The following UBE2G1 variants were observed in gnomAD, a reference collection of about 807,000 sequenced individuals.
UBE2G1 encodes the protein ubiquitin-conjugating enzyme E2 G1.
UBE2G1 carries 5 observed loss-of-function variants against 22.7 expected under a neutral mutation model. The ratio of observed to expected loss-of-function variants is 0.22; its 90% CI spans 0.12 to 0.46. The LOEUF (loss-of-function observed/expected upper bound fraction) is 0.46. Ranked by LOEUF, UBE2G1 falls within the 20% of genes least tolerant of loss-of-function variation. UBE2G1 has a pLI of 0.99. For synonymous variants in UBE2G1, 74 were observed against 67.5 expected, an observed-to-expected ratio of 1.10 and a Z score of -0.47; for missense variants, 88 against 203.9, an observed-to-expected ratio of 0.43 and a Z score of 3.46.
intron 3 of UBE2G1, among the ~76,000 whole-genome samples, chr17:4,294,440 AGAAAG>A (rs1969083320): frequency 1.2e-4 from 8 of 69,242 alleles, no homozygotes; most frequent in African/African-American, 4.7e-4. Flanking sequence ...AAAAAAAAAA[AGAAAG>A]AAACGAAAAG....
intron 1 of UBE2G1, among the ~76,000 whole-genome samples, chr17:4,361,521 C>T (rs1466091045): frequency 6.7e-5 from 10 of 150,286 alleles, no homozygotes; most frequent in Non-Finnish European, 7.4e-5. Flanking sequence ...AGTGAGACTC[C>T]GTCTCAAAAA....
chr17:4,292,992 A>ATACAATTC (rs1261017180), intron 3 of UBE2G1, among the ~76,000 whole-genome samples: 1 of 152,212 alleles, frequency 6.6e-6, no homozygotes, highest in Non-Finnish European at 1.5e-5. Flanking sequence ...CTCACCTACT[A>ATACAATTC]TACAATTCAC....
rs1970041765 is a variant in UBE2G1, at chr17:4,366,669, TG to T, written c.-354del. On this transcript the variant is annotated 5_prime_UTR_variant, in exon 1 of 6. Transcript: ENST00000396981. ...GCAGGGCCGCTCGGCGCAGGCGCGC[TG>T]AGACTGCCGACTTGGGAAGCGTCCC... 1 of 205,656 alleles carries T rather than the reference TG, an allele frequency of 4.9e-6. No homozygotes were observed. The highest frequency in any genetic ancestry group is 1.0e-4 in the East Asian group (1 of 9,674). 12.7% of individuals were successfully genotyped at this position (205,656 alleles called of 1,614,324 possible). A position where few individuals can be genotyped will look rare whatever the true frequency, so the allele number is the denominator to read the frequency against.
chr17:4,338,022 T>G (rs568853990), intron 1 of UBE2G1, among the ~76,000 whole-genome samples: 9 of 151,826 alleles, frequency 5.9e-5, no homozygotes, highest in South Asian at 2.1e-4. Context: ...TACAAAAAAT[T>G]AGCCAGGCAT....
intron 1 of UBE2G1, among the ~76,000 whole-genome samples, chr17:4,315,310 A>T (rs1969353285): frequency 6.6e-6 from 1 of 152,186 alleles, no homozygotes; most frequent in Admixed American, 6.5e-5. Flanking sequence ...AGTTTAATAT[A>T]GCCTAAAATA....
intron 1 of UBE2G1, among the ~76,000 whole-genome samples, chr17:4,358,862 A>T (rs917787129): frequency 1.3e-5 from 2 of 152,198 alleles, no homozygotes; most frequent in African/African-American, 4.8e-5. Flanking sequence ...GCAGTGGGAG[A>T]ATCGCTTGAA....
chr17:4,358,582 A>C (rs1969933294), intron 1 of UBE2G1, among the ~76,000 whole-genome samples: 1 of 152,298 alleles, frequency 6.6e-6, no homozygotes, highest in African/African-American at 2.4e-5. Flanking sequence ...GTCTTTAATC[A>C]GGTAAAAATT....
chr17:4,351,927 T>C (rs1969848861), intron 1 of UBE2G1, among the ~76,000 whole-genome samples: 1 of 152,254 alleles, frequency 6.6e-6, no homozygotes, highest in Admixed American at 6.5e-5. Flanking sequence ...CTTCCAAAAG[T>C]TACAAAGACT....
chr17:4,357,449 G>T (rs1969918591), intron 1 of UBE2G1, among the ~76,000 whole-genome samples: 1 of 138,616 alleles, frequency 7.2e-6, no homozygotes, highest in African/African-American at 2.7e-5. Flanking sequence ...TTTATCCCAT[G>T]CAGATAAGGG....
rs141187675 is a variant in UBE2G1 at position 4,311,417 on chromosome 17, T to A, written c.47-4294A>T. On this transcript the variant is annotated intron_variant, in intron 1 of 5. Transcript: ENST00000396981. The stretch of plus-strand genomic sequence containing the variant: ...CAAAAGGCAGAAACTCAAGTGTCCA[T>A]CGACAAATGAATAAACTGCAGTATA... 3.2e-4 allele frequency among the ~76,000 whole-genome samples: 49 copies of A among 152,170 alleles called. No individual in the cohort carries two copies. The East Asian group carries it at 7.1e-3, about 22-fold the overall frequency.
chr17:4,270,724 C>T lies in UBE2G1; in HGVS notation c.*1830G>A, dbSNP rs551422453. On this transcript the variant is annotated 3_prime_UTR_variant, in exon 6 of 6. Coordinates refer to ENST00000396981, the MANE Select transcript of UBE2G1 (RefSeq NM_003342.5). Reference sequence around the variant, plus strand: ...TGAATCAATTTCCAGTCACAACACACTTACGAGTTTCTATAAGGTTTGTGG... The same window carrying T: ...TGAATCAATTTCCAGTCACAACACATTTACGAGTTTCTATAAGGTTTGTGG... The T allele has an allele frequency of 6.6e-6, 1 of 151,786 alleles. No individual in the cohort carries two copies. Among genetic ancestry groups the T allele is most frequent in the Non-Finnish European group, 1.5e-5 (1 of 67,966 alleles). 9.4% of individuals were successfully genotyped at this position (151,786 alleles called of 1,614,324 possible).
At chr17:4,352,379 G>C (rs1390129703) in intron 1 of UBE2G1, among the ~76,000 whole-genome samples, 1 of 150,636 alleles carries the variant, frequency 6.6e-6, no homozygotes, top group Non-Finnish European at 1.5e-5. Flanking sequence ...ACAGGCGTGA[G>C]CCACTGCACC....
chr17:4,353,089 G>T (rs548599478), intron 1 of UBE2G1, among the ~76,000 whole-genome samples: 1 of 152,172 alleles, frequency 6.6e-6, no homozygotes, highest in East Asian at 1.9e-4. Flanking sequence ...GTGGTGGCGG[G>T]CGCCTGTAGT....
chr17:4,348,193 G>A (rs996010242), intron 1 of UBE2G1, among the ~76,000 whole-genome samples: 3 of 152,110 alleles, frequency 2.0e-5, no homozygotes, highest in Non-Finnish European at 2.9e-5. Context: ...AGGAGGCTGA[G>A]GCTGCAGTGA....
At chr17:4,331,993 C>G (rs544154298) in intron 1 of UBE2G1, 1 of 152,184 alleles carries the variant, frequency 6.6e-6, no homozygotes, top group African/African-American at 2.4e-5. Flanking sequence ...CCCAGGAGAT[C>G]TGAACCTAAA....
intron 1 of UBE2G1, among the ~76,000 whole-genome samples, chr17:4,316,014 A>T (rs1969366678): frequency 6.6e-6 from 1 of 151,574 alleles, no homozygotes; most frequent in Non-Finnish European, 1.5e-5. Context: ...ACGGGGTTTC[A>T]CCGTGGTCTC....
chr17:4,306,197 T>C lies in UBE2G1; in HGVS notation c.149+824A>G, dbSNP rs1400775186. Among the ~76,000 whole-genome samples the C allele has an allele frequency of 2.6e-5, 4 of 152,222 alleles. No individual in the cohort carries two copies. In the South Asian group the frequency reaches 6.2e-4, roughly 24 times the overall value. The stretch of plus-strand genomic sequence containing the variant: ...CCATGAAAAGAGACGATCTTGAAAG[T>C]TCTCCTTAGCCTTCTTAAAACACTG... On this transcript the variant is annotated intron_variant, in intron 2 of 5. Transcript: ENST00000396981.
rs915521125 is a variant in UBE2G1 at position 4,366,474 on chromosome 17, G to C, written c.-158C>G. 3.2e-6 allele frequency: 2 copies of C among 623,190 alleles called. No homozygotes were observed. Among genetic ancestry groups the C allele is most frequent in the Middle Eastern group, 4.6e-4 (1 of 2,164 alleles). 38.6% of individuals were successfully genotyped at this position (623,190 alleles called of 1,614,324 possible). A position where few individuals can be genotyped will look rare whatever the true frequency, so the allele number is the denominator to read the frequency against. On this transcript the variant is annotated 5_prime_UTR_variant, in exon 1 of 6. Coordinates refer to ENST00000396981, the MANE Select transcript of UBE2G1 (RefSeq NM_003342.5). ...GCTGAGGCGGCGGGAGCGGCGCCTC[G>C]CTGCCGGTGCGAGTCCGCTCGCTTC...
chr17:4,358,457 T>G (rs1257640427), intron 1 of UBE2G1, among the ~76,000 whole-genome samples: 1 of 145,744 alleles, frequency 6.9e-6, no homozygotes, highest in African/African-American at 2.5e-5. Context: ...TTGAATTGAC[T>G]TTTTTTTTTT....
Sources: allele counts gnomAD v4.1 joint callset (sites outside exome capture counted in the v4.1 genomes callset), GRCh38; gene constraint gnomAD v4.1.1; transcripts MANE v1.5; gene names NCBI Gene and HGNC (gene_info 2026-07-23, HGNC 2026-07-21).